Variants in PRICKLE2 observed in about 807,000 individuals in gnomAD.
The protein encoded by PRICKLE2 is prickle planar cell polarity protein 2, also known as prickle-like protein 2.
Under a neutral mutation model 81.4 loss-of-function variants are expected in PRICKLE2, and 21 were observed. The ratio of observed to expected loss-of-function variants is 0.26; its 90% CI spans 0.18 to 0.37. PRICKLE2 has a LOEUF of 0.37. Among genes scored for constraint, PRICKLE2 ranks in the 10% least tolerant of loss-of-function variants. The pLI, the probability that PRICKLE2 is intolerant of heterozygous loss-of-function variation, is 1.00. For synonymous variants in PRICKLE2, 456 were observed against 421.5 expected (o/e 1.08, Z -1.00); for missense variants, 940 against 1,109.0 (o/e 0.85, Z 2.16).
intron 2 of PRICKLE2, among the ~76,000 whole-genome samples, chr3:64,183,858 C>T (rs1297747753): frequency 2.0e-5 from 3 of 152,202 alleles, no homozygotes; most frequent in African/African-American, 2.4e-5. Context: ...CTTGAATGCT[C>T]TCTTTTCTGT....
intron 2 of PRICKLE2, among the ~76,000 whole-genome samples, chr3:64,170,444 G>T (rs1218595079): frequency 6.6e-6 from 1 of 152,152 alleles, no homozygotes; most frequent in African/African-American, 2.4e-5. Context: ...GCTCGCCTGA[G>T]CTATTGCTGT....
intron 2 of PRICKLE2, among the ~76,000 whole-genome samples, chr3:64,244,172 C>T (rs555430660): frequency 3.7e-4 from 57 of 152,246 alleles, no homozygotes; most frequent in African/African-American, 1.3e-3. Context: ...CGTATTTTGG[C>T]CTTGATATTC....
intron 2 of PRICKLE2, among the ~76,000 whole-genome samples, chr3:64,165,985 T>A (rs200564873): frequency 3.3e-5 from 1 of 30,762 alleles, no homozygotes; most frequent in Non-Finnish European, 7.3e-5. Flanking sequence ...TGTGTGTGTG[T>A]GTGTGTGTGT....
chr3:64,148,788 A>G (rs936384851), intron 6 of PRICKLE2, among the ~76,000 whole-genome samples: 1 of 152,164 alleles, frequency 6.6e-6, no homozygotes. Context: ...GAAACAAAAA[A>G]CAGGCCCTCA....
rs2076530969 is a variant in PRICKLE2 at position 64,093,506 on chromosome 3, C to T, written c.*5545G>A. On this transcript the variant is annotated 3_prime_UTR_variant, in exon 8 of 8. Coordinates refer to ENST00000638394, the MANE Select transcript of PRICKLE2 (RefSeq NM_198859.4). ...CAGTGTACAAGTGTTCCAATTGCTC[C>T]ACATCCTCACCCACATTTGTTGTTA... 6.6e-6 allele frequency: 1 copy of T among 152,114 alleles called. No homozygotes were observed. Among genetic ancestry groups the T allele is most frequent in the Non-Finnish European group, 1.5e-5 (1 of 68,028 alleles). 9.4% of individuals were successfully genotyped at this position (152,114 alleles called of 1,614,324 possible). A position where few individuals can be genotyped will look rare whatever the true frequency, so the allele number is the denominator to read the frequency against.
chr3:64,174,860 T>C (rs770051562), intron 2 of PRICKLE2: 20 of 212,412 alleles, frequency 9.4e-5, no homozygotes, highest in Non-Finnish European at 1.8e-4. Flanking sequence ...ATCACACTTT[T>C]CTCAGATTTA....
chr3:64,099,545 G>C lies in PRICKLE2; in HGVS notation c.2041C>G (p.Arg681Gly). 2.5e-6 allele frequency: 4 copies of C among 1,608,636 alleles called. No individual in the cohort carries two copies. Among genetic ancestry groups the C allele is most frequent in the Non-Finnish European group, 3.4e-6 (4 of 1,175,528 alleles). The part of the protein sequence containing the change: ...RRATSRDDNR[R>G]FRPHRSRRSR... ...CGCCTGGACCTGTGAGGTCGGAAAC[G>C]GCGGTTGTCGTCGCGTGAAGTAGCT... The change falls in exon 8 of 8, where the codon CGT becomes GGT. Residue 681 changes from arginine (R) to glycine (G), a missense_variant. Arg to Gly is a moderately radical substitution (Grantham distance 125). Around this residue, in one of 2 missense-constraint regions of PRICKLE2, gnomAD observed 670 missense variants for 717.2 expected, o/e 0.93. Transcript: ENST00000638394. This position sits in a 1 kb window ranked among gnomAD's most constrained non-coding sequence, Gnocchi z 4.3.
At chr3:64,239,377 A>G (rs1253570109) in intron 2 of PRICKLE2, among the ~76,000 whole-genome samples, 1 of 152,166 alleles carries the variant, frequency 6.6e-6, no homozygotes, top group Admixed American at 6.5e-5. Flanking sequence ...GAGGGGAGAC[A>G]TATTCTGCAA....
In PRICKLE2 at chr3:64,178,991, C is replaced by CTTTCTTTCT. The variant is rs1553648465; in HGVS notation, c.145-15871_145-15863dup. On this transcript the variant is annotated intron_variant, in intron 2 of 7. Transcript: ENST00000638394. ...TCTTTCTTTCTTTCTTTCTTTCTTT[C>CTTTCTTTCT]TTTCTTTCTTTCTTTCTTTCTTTCT... Among the ~76,000 whole-genome samples, 7 of 144,752 alleles carry CTTTCTTTCT rather than the reference C, an allele frequency of 4.8e-5. No individual in the cohort carries two copies. The East Asian group carries it at 8.0e-4, about 17-fold the overall frequency. 95.0% of individuals were successfully genotyped at this position (144,752 alleles called of 152,430 possible). A position where few individuals can be genotyped will look rare whatever the true frequency, so the allele number is the denominator to read the frequency against.
chr3:64,256,785 A>C (rs2079530629), intron 2 of PRICKLE2, among the ~76,000 whole-genome samples: 1 of 152,206 alleles, frequency 6.6e-6, no homozygotes, highest in South Asian at 2.1e-4. Context: ...ATCAGGCAAG[A>C]AAAAATAAAC....
intron 2 of PRICKLE2, among the ~76,000 whole-genome samples, chr3:64,179,639 T>C (rs1388670538): frequency 2.6e-5 from 4 of 152,168 alleles, no homozygotes; most frequent in African/African-American, 7.2e-5. Context: ...GTATGCCTGT[T>C]AATGACCACG....
chr3:64,150,371 T>C (rs1222841242), intron 6 of PRICKLE2, among the ~76,000 whole-genome samples: 2 of 152,088 alleles, frequency 1.3e-5, no homozygotes, highest in Non-Finnish European at 2.9e-5. Flanking sequence ...TAGTACTTGG[T>C]AATGGAGTTA....
Position 64,099,394 on chromosome 3 carries a change from C to T in PRICKLE2, c.2192G>A (p.Ser731Asn). 3 of 1,603,000 alleles carry T rather than the reference C, an allele frequency of 1.9e-6. No homozygotes were observed. The highest frequency in any genetic ancestry group is 1.7e-6 in the Non-Finnish European group (2 of 1,172,210). The change falls in exon 8 of 8, where the codon AGC becomes AAC. Residue 731 changes from serine (S) to asparagine (N), a missense_variant. Ser to Asn is a conservative substitution (Grantham distance 46). Transcript: ENST00000638394. The surrounding 1 kb of genome is among the most constrained non-coding windows in gnomAD (Gnocchi z 4.3). Reference sequence around the variant, plus strand: ...CCCATGCCCCATGCTCTCCTGGAAGCTCCGCTGGCGCATAAATTGGTCATA... The same window carrying T: ...CCCATGCCCCATGCTCTCCTGGAAGTTCCGCTGGCGCATAAATTGGTCATA... ...EDYDQFMRQR[S>N]FQESMGHGSR...
intron 2 of PRICKLE2, among the ~76,000 whole-genome samples, chr3:64,247,991 C>T (rs1341641501): frequency 6.6e-6 from 1 of 152,142 alleles, no homozygotes; most frequent in African/African-American, 2.4e-5. Context: ...CTTCCCCATG[C>T]TGGGCACCTC....
chr3:64,186,563 C>G (rs1255345803), intron 2 of PRICKLE2, among the ~76,000 whole-genome samples: 1 of 152,180 alleles, frequency 6.6e-6, no homozygotes, highest in Non-Finnish European at 1.5e-5. Context: ...TCCAGGCCAC[C>G]TAAAGCAACA....
chr3:64,148,244 C>T (rs2077489053), intron 6 of PRICKLE2, among the ~76,000 whole-genome samples: 1 of 152,208 alleles, frequency 6.6e-6, no homozygotes, highest in Admixed American at 6.5e-5. Flanking sequence ...TAGGCATCTG[C>T]TCAAAAGCCA....
intron 4 of PRICKLE2, among the ~76,000 whole-genome samples, chr3:64,158,097 G>C (rs1254071965): frequency 6.6e-6 from 1 of 152,238 alleles, no homozygotes; most frequent in Non-Finnish European, 1.5e-5. Context: ...AATATGGTTT[G>C]AGGGACTCTG....
intron 7 of PRICKLE2, among the ~76,000 whole-genome samples, chr3:64,110,341 C>CAAGA (rs2076823311): frequency 6.6e-6 from 1 of 152,264 alleles, no homozygotes; most frequent in Admixed American, 6.5e-5. Context: ...AGTGGGCAGC[C>CAAGA]AAGAACCTGG....
At position 64,163,115 on chromosome 3, in the gene PRICKLE2, A is replaced by G. The variant is rs2077761500; in HGVS notation, c.159T>C (p.Tyr53=). ...GLKPEQVHQY[Y]SCLPEEKVPY... is the part of the protein sequence containing the mutation. ...GGACTTTCTCTTCTGGGAGACAGCT[A>G]TAGTACTGGTGTACCTGAAGGACAG... Residue 53 remains tyrosine, a synonymous_variant, in exon 3 of 8, where the codon TAT becomes TAC. Coordinates refer to ENST00000638394, the MANE Select transcript of PRICKLE2 (RefSeq NM_198859.4). The G allele has an allele frequency of 1.9e-5, 30 of 1,606,428 alleles. No individual in the cohort carries two copies. In the East Asian group the frequency reaches 6.7e-4, roughly 36 times the overall value.
Sources: allele counts gnomAD v4.1 joint callset (sites outside exome capture counted in the v4.1 genomes callset), GRCh38; gene constraint gnomAD v4.1.1; regional missense constraint gnomAD v4.1.1; non-coding constraint Gnocchi (gnomAD v3.1); transcripts MANE v1.5; gene names NCBI Gene and HGNC (gene_info 2026-07-23, HGNC 2026-07-21).